PLXND1: variants seen among roughly 807,000 people sequenced by gnomAD.
PLXND1 encodes the protein plexin-D1.
A neutral mutation model predicts 197.7 loss-of-function variants in PLXND1; 54 were observed. That is an observed-to-expected ratio of 0.27 (90% CI 0.22 to 0.34). PLXND1 has a LOEUF of 0.34. Ranked by LOEUF, PLXND1 falls within the 10% of genes least tolerant of loss-of-function variation. The pLI is 1.00. For synonymous variants in PLXND1, 1,180 were observed against 1,161.2 expected (o/e 1.02, Z -0.33); for missense variants, 2,127 against 2,699.2 (o/e 0.79, Z 4.70).
At chr3:129,603,344 G>A (rs984164193) in intron 1 of PLXND1, among the ~76,000 whole-genome samples, 22 of 152,320 alleles carry the variant, frequency 1.4e-4, no homozygotes, top group African/African-American at 4.8e-4. Context: ...GGAGCGGACC[G>A]TGGGAACCAG....
rs2085158848 is a variant in PLXND1 at position 129,567,546 on chromosome 3, C to T, written c.4032G>A (p.Gln1344=). Reference sequence around the variant, plus strand: ...GCTTATACTCCAGGAAGGGGATGCCCTGGCTGCGGTTCAGCTCCTTGGTGA... The same window carrying T: ...GCTTATACTCCAGGAAGGGGATGCCTTGGCTGCGGTTCAGCTCCTTGGTGA... ...TDLTKELNRS[Q]GIPFLEYKHF... Residue 1344 remains glutamine, a synonymous_variant, in exon 22 of 36, where the codon CAG becomes CAA. Coordinates refer to ENST00000324093, the MANE Select transcript of PLXND1 (RefSeq NM_015103.3). 1 of 1,612,142 alleles carries T rather than the reference C, an allele frequency of 6.2e-7. No homozygotes were observed. Among genetic ancestry groups the T allele is most frequent in the Admixed American group, 1.7e-5 (1 of 59,774 alleles).
chr3:129,567,877 C>G, intron 20 of PLXND1, 72 bp from the exon 21 acceptor site: 2 of 833,964 alleles, frequency 2.4e-6, no homozygotes, highest in South Asian at 1.6e-5. Flanking sequence ...CTGCTGTATT[C>G]TGGCCTCCGC....
chr3:129,565,758 T>C, intron 24 of PLXND1, 129 bp downstream of exon 24: 1 of 1,066,674 alleles, frequency 9.4e-7, no homozygotes, highest in African/African-American at 1.6e-5. Flanking sequence ...GTCTTGGGCA[T>C]CCCGGCCCAG....
Position 129,570,926 on chromosome 3 carries a change from C to T in PLXND1, c.3610G>A (p.Asp1204Asn). The change falls in exon 19 of 36, where the codon GAC becomes AAC. Residue 1204 changes from aspartate (D) to asparagine (N), a missense_variant. Coordinates refer to ENST00000324093, the MANE Select transcript of PLXND1 (RefSeq NM_015103.3). ...TCGTGACTCTGGAGCCCCAGGCTGT[C>T]CTGCTCCTTCTGTGGGTGCAAAGGG... is the stretch of plus-strand genomic sequence containing the variant. ...PLTLVIHKEQ[D>N]SLGLQSHEYR... 6.2e-7 allele frequency: 1 copy of T among 1,614,244 alleles called. No homozygotes were observed.
intron 1 of PLXND1, 132 bp from the exon 2 acceptor site, chr3:129,589,659 T>C: frequency 1.3e-6 from 1 of 766,288 alleles, no homozygotes; most frequent in Non-Finnish European, 2.0e-6. Context: ...TCCTCAGTGC[T>C]CAGCTGAGGC....
chr3:129,566,708 G>A, intron 22 of PLXND1, 77 bp from the exon 23 acceptor site: 1 of 867,810 alleles, frequency 1.2e-6, no homozygotes. Context: ...CACACAGAAA[G>A]GGGCACTGGC....
chr3:129,575,876 G>A (rs759646025), intron 9 of PLXND1, 21 bp from the exon 10 acceptor site: 3 of 1,535,940 alleles, frequency 2.0e-6, no homozygotes, highest in East Asian at 2.3e-5. Context: ...CAGGGAGTGG[G>A]AGGCGGGTTT....
intron 25 of PLXND1, among the ~76,000 whole-genome samples, chr3:129,564,188 C>T (rs1227015907): frequency 6.6e-6 from 1 of 152,244 alleles, no homozygotes; most frequent in Non-Finnish European, 1.5e-5. Context: ...CCCCACTACC[C>T]CCTTCCCCCA....
intron 7 of PLXND1, 41 bp downstream of exon 7, chr3:129,584,084 C>T (rs1426298175): frequency 7.6e-7 from 1 of 1,321,426 alleles, no homozygotes. Flanking sequence ...GGATGCGTTC[C>T]TCCCTCCACC....
At chr3:129,595,840 C>T (rs926033360) in intron 1 of PLXND1, among the ~76,000 whole-genome samples, 1 of 152,050 alleles carries the variant, frequency 6.6e-6, no homozygotes, top group Non-Finnish European at 1.5e-5. Flanking sequence ...AGGCTTAGGT[C>T]ACAAGCCTGG....
intron 5 of PLXND1, among the ~76,000 whole-genome samples, chr3:129,585,276 C>A (rs752307455): frequency 3.3e-5 from 5 of 152,172 alleles, no homozygotes; most frequent in Non-Finnish European, 7.4e-5. Flanking sequence ...GCTGTCAGAG[C>A]CCCCCAGGGT....
At chr3:129,578,681 C>A (rs2085347757) in intron 8 of PLXND1, 1 of 500,016 alleles carries the variant, frequency 2.0e-6, no homozygotes, top group Non-Finnish European at 3.5e-6. Context: ...GCATAACCCG[C>A]CCAGTGGTGG....
chr3:129,582,440 T>C (rs1306157601), intron 8 of PLXND1, among the ~76,000 whole-genome samples: 1 of 152,204 alleles, frequency 6.6e-6, no homozygotes, highest in African/African-American at 2.4e-5. Context: ...GTTATCTCAG[T>C]TGTGCCATCT....
intron 11 of PLXND1, 92 bp from the exon 12 acceptor site, chr3:129,574,582 T>C: frequency 1.5e-6 from 2 of 1,298,864 alleles, no homozygotes; most frequent in Non-Finnish European, 2.1e-6. Flanking sequence ...TGTCAAGAGG[T>C]CTGCGCCCCA....
chr3:129,573,233 C>T (rs1337353264), intron 13 of PLXND1, among the ~76,000 whole-genome samples: 5 of 152,092 alleles, frequency 3.3e-5, no homozygotes, highest in East Asian at 1.9e-4. Flanking sequence ...GTATTTCCTA[C>T]GGCCCCTCTG....
At chr3:129,567,864 C>A in intron 20 of PLXND1, 59 bp from the exon 21 acceptor site, 1 of 1,020,476 alleles carries the variant, frequency 9.8e-7, no homozygotes, top group Non-Finnish European at 1.5e-6. Flanking sequence ...CCTTTATTGG[C>A]GCCTGCTGTA....
At chr3:129,605,177 C>A (rs1375567720) in intron 1 of PLXND1, 152 bp downstream of exon 1, 1 of 379,014 alleles carries the variant, frequency 2.6e-6, no homozygotes, top group African/African-American at 2.1e-5. Flanking sequence ...CACCTGTATT[C>A]TCGCGTGCAC....
intron 20 of PLXND1, chr3:129,569,638 GC>G (rs2085193539): frequency 3.6e-6 from 2 of 559,412 alleles, no homozygotes; most frequent in Non-Finnish European, 6.4e-6. Flanking sequence ...ATATCCCCTG[GC>G]CACCTAACAT....
rs1241594467 is a variant in PLXND1, at chr3:129,565,549, G to C, written c.4323-11C>G. Reference sequence around the variant, plus strand: ...GAGGCCAGGCTGCACCTGTGAGCGGGAGGCAGGTGTCAACTGCACCTTGAG... The same window carrying C: ...GAGGCCAGGCTGCACCTGTGAGCGGCAGGCAGGTGTCAACTGCACCTTGAG... On this transcript the variant is annotated splice_polypyrimidine_tract_variant and intron_variant, in intron 24 of 35. Transcript: ENST00000324093. 6.2e-7 allele frequency: 1 copy of C among 1,610,472 alleles called. No individual in the cohort carries two copies. Among genetic ancestry groups the C allele is most frequent in the Non-Finnish European group, 8.5e-7 (1 of 1,177,750 alleles).
Sources: allele counts gnomAD v4.1 joint callset (sites outside exome capture counted in the v4.1 genomes callset), GRCh38; gene constraint gnomAD v4.1.1; transcripts MANE v1.5; gene names NCBI Gene and HGNC (gene_info 2026-07-23, HGNC 2026-07-21).